RELCH: variants seen among roughly 807,000 people sequenced by gnomAD.
RELCH encodes the protein RAB11 binding and LisH domain, coiled-coil and HEAT repeat containing, also known as RAB11-binding protein RELCH.
A neutral mutation model predicts 150.3 loss-of-function variants in RELCH; 41 were observed. That is an observed-to-expected ratio of 0.27 (90% CI 0.21 to 0.35). The LOEUF (loss-of-function observed/expected upper bound fraction) is 0.35. Among genes scored for constraint, RELCH ranks in the 10% least tolerant of loss-of-function variants. The probability of loss-of-function intolerance (pLI) is 1.00; values close to 1 mark genes in which losing one functional copy is unlikely to be tolerated. For synonymous variants in RELCH, 478 were observed against 531.8 expected (o/e 0.90, Z 1.39); for missense variants, 1,092 against 1,467.8 (o/e 0.74, Z 4.18).
intron 1 of RELCH, among the ~76,000 whole-genome samples, chr18:62,189,061 G>C (rs1051319887): frequency 6.6e-6 from 1 of 152,110 alleles, no homozygotes; most frequent in Non-Finnish European, 1.5e-5. Context: ...AGCTTAGGGA[G>C]TGCATTTTCT....
intron 1 of RELCH, among the ~76,000 whole-genome samples, chr18:62,190,512 G>A (rs1370697735): frequency 2.6e-5 from 4 of 151,960 alleles, no homozygotes; most frequent in Admixed American, 2.0e-4. Flanking sequence ...AGGAGGCAGA[G>A]GTTACAGTGA....
Position 62,287,458 on chromosome 18 carries a change from T to G in RELCH, c.3361T>G (p.Ser1121Ala). 1 of 1,537,448 alleles carries G rather than the reference T, an allele frequency of 6.5e-7. No homozygotes were observed. The highest frequency in any genetic ancestry group is 2.3e-5 in the East Asian group (1 of 44,268). Residue 1121 changes from serine to alanine, a missense_variant, in exon 26 of 29, where the codon TCC becomes GCC. This residue lies in a region of RELCH where 707 missense variants were observed against 1,025.4 expected (regional missense o/e 0.69). Transcript: ENST00000644646. ...THLFEAYSALSCCFISEDLMV... is the reference protein window; with the variant it reads ...THLFEAYSALACCFISEDLMV... ...TCTTTTTGAAGCCTACAGTGCACTTTCCTGTTGTTGTATCCTTGTTTTATT... is the reference window on the plus strand; with the variant it reads ...TCTTTTTGAAGCCTACAGTGCACTTGCCTGTTGTTGTATCCTTGTTTTATT...
chr18:62,250,738 A>G (rs1367131439), intron 11 of RELCH, among the ~76,000 whole-genome samples: 2 of 152,212 alleles, frequency 1.3e-5, no homozygotes, highest in African/African-American at 2.4e-5. Flanking sequence ...ACTTAAGCAA[A>G]CAATTAGTAA....
intron 11 of RELCH, among the ~76,000 whole-genome samples, chr18:62,250,124 A>G (rs1018677957): frequency 3.3e-5 from 5 of 152,142 alleles, no homozygotes; most frequent in African/African-American, 9.7e-5. Context: ...GCCTATTTCC[A>G]ATGTTGTTAA....
intron 2 of RELCH, among the ~76,000 whole-genome samples, chr18:62,211,677 T>G (rs1359358516): frequency 6.6e-6 from 1 of 152,084 alleles, no homozygotes; most frequent in Non-Finnish European, 1.5e-5. Flanking sequence ...AGCTATTTGC[T>G]ATTTGGGAAG....
At chr18:62,205,292 G>A (rs1186667395) in intron 1 of RELCH, among the ~76,000 whole-genome samples, 2 of 152,122 alleles carry the variant, frequency 1.3e-5, no homozygotes. Context: ...AACAAAGAAT[G>A]TACCTGTAGT....
At position 62,267,488 on chromosome 18, in the gene RELCH, G is replaced by A. The variant is rs759998915; in HGVS notation, c.2680+739G>A. Among the ~76,000 whole-genome samples, 254 of 29,046 alleles carry A rather than the reference G, an allele frequency of 8.7e-3. 3 individuals are homozygous for A. The highest frequency in any genetic ancestry group is 0.06 in the East Asian group (6 of 100). 19.1% of individuals were successfully genotyped at this position (29,046 alleles called of 152,430 possible). ...ATATATATAGTCTAGGTATATATGT[G>A]TGTGTGTGTGTGTGTGTGTGTGTGT... On this transcript the variant is annotated intron_variant, in intron 19 of 28. Coordinates refer to ENST00000644646, the MANE Select transcript of RELCH (RefSeq NM_001346231.2).
rs557777630 is a variant in RELCH, at chr18:62,258,601, G to A, written c.2127G>A (p.Ala709=). The change falls in exon 15 of 29, where the codon GCG becomes GCA. Residue 709 remains alanine, a synonymous_variant. Coordinates refer to ENST00000644646, the MANE Select transcript of RELCH (RefSeq NM_001346231.2). ...THQVFLPAYA[A]WTTELGNLQS... is the part of the protein sequence containing the mutation. ...AAGTATTTTTACCAGCTTACGCTGC[G>A]TGGACTACAGAACTTGGAAATTTAC... The A allele has an allele frequency of 8.5e-5, 136 of 1,601,828 alleles. No individual in the cohort carries two copies. The highest frequency in any genetic ancestry group is 6.3e-4 in the East Asian group (28 of 44,616).
chr18:62,209,475 A>T (rs2040021650), intron 1 of RELCH, among the ~76,000 whole-genome samples: 1 of 152,178 alleles, frequency 6.6e-6, no homozygotes, highest in Admixed American at 6.5e-5. Flanking sequence ...TGGACTCTGA[A>T]TTCTATTGCA....
Position 62,287,486 on chromosome 18 carries a change from G to C in RELCH, c.3370+19G>C, listed in dbSNP as rs2044873235. On this transcript the variant is annotated intron_variant, in intron 26 of 28. Coordinates refer to ENST00000644646, the MANE Select transcript of RELCH (RefSeq NM_001346231.2). ...TGTTGTTGTATCCTTGTTTTATTAA[G>C]GTGTATCTACATTTATGTAACCAAT... is the stretch of plus-strand genomic sequence containing the variant. 1 of 1,253,874 alleles carries C rather than the reference G, an allele frequency of 8.0e-7. No individual in the cohort carries two copies. Among genetic ancestry groups the C allele is most frequent in the South Asian group, 1.2e-5 (1 of 81,186 alleles). The allele number at this position is 1,253,874 out of a possible 1,614,324, so 77.7% of individuals were successfully genotyped here. A position where few individuals can be genotyped will look rare whatever the true frequency, so the allele number is the denominator to read the frequency against.
chr18:62,303,742 ACAGT>A (rs2045766694), intron 28 of RELCH, among the ~76,000 whole-genome samples: 1 of 152,236 alleles, frequency 6.6e-6, no homozygotes, highest in Non-Finnish European at 1.5e-5. Flanking sequence ...GGTCAAAGAG[ACAGT>A]CAGTGACAGT....
In RELCH at chr18:62,264,004, G is replaced by C; in HGVS notation, c.2366G>C (p.Arg789Pro). 1 of 1,606,088 alleles carries C rather than the reference G, an allele frequency of 6.2e-7. No homozygotes were observed. Among genetic ancestry groups the C allele is most frequent in the Non-Finnish European group, 8.5e-7 (1 of 1,176,566 alleles). ...TTATGTGTAGTGACTAGGTTTCCTC[G>C]GCCTATGTCGCCTCTTCAAGATGTG... ...VPQIEVTRFP[R>P]PMSPLQDVST... The change falls in exon 17 of 29, where the codon CGG (arginine) becomes CCG (proline). Residue 789 changes from arginine to proline, a missense_variant. Around this residue, in one of 4 missense-constraint regions of RELCH, gnomAD observed 707 missense variants for 1,025.4 expected, o/e 0.69. Transcript: ENST00000644646.
rs530649812 is a variant in RELCH at position 62,278,778 on chromosome 18, A to G, written c.2968-996A>G. ...CTCAGTATTGTTCTCTTGTATTGCA[A>G]TTTAGCATTGGTTGCTAAATGAATT... On this transcript the variant is annotated intron_variant, in intron 22 of 28. Coordinates refer to ENST00000644646, the MANE Select transcript of RELCH (RefSeq NM_001346231.2). Among the ~76,000 whole-genome samples, 16 of 152,314 alleles carry G rather than the reference A, an allele frequency of 1.1e-4. No individual in the cohort carries two copies. In the East Asian group the frequency reaches 2.9e-3, roughly 28 times the overall value.
intron 12 of RELCH, 67 bp downstream of exon 12, chr18:62,252,821 C>T: frequency 1.6e-6 from 2 of 1,214,194 alleles, no homozygotes; most frequent in South Asian, 1.3e-5. Context: ...TACATAGTTT[C>T]CTTTTTAAAG....
chr18:62,197,017 G>A (rs1470098974), intron 1 of RELCH, among the ~76,000 whole-genome samples: 2 of 152,144 alleles, frequency 1.3e-5, no homozygotes, highest in African/African-American at 2.4e-5. Flanking sequence ...TGAATAAATA[G>A]TAACTTTATT....
chr18:62,221,434 A>G lies in RELCH; in HGVS notation c.795A>G (p.Glu265=). The G allele has an allele frequency of 6.3e-7, 1 of 1,596,426 alleles. No homozygotes were observed. The highest frequency in any genetic ancestry group is 8.6e-7 in the Non-Finnish European group (1 of 1,169,486). The change falls in exon 5 of 29, where the codon GAA becomes GAG. Residue 265 remains glutamate, a synonymous_variant. Coordinates refer to ENST00000644646, the MANE Select transcript of RELCH (RefSeq NM_001346231.2). ...GAGCTCTAAACTTCTTAGTCAATGA[A>G]TTTTTATTGAAGAATAACTATAAGC... The part of the protein sequence containing the change: ...EKRALNFLVN[E]FLLKNNYKLT...
rs138845962 is a variant in RELCH at position 62,251,161 on chromosome 18, G to T, written c.1734-1503G>T. On this transcript the variant is annotated intron_variant, in intron 11 of 28. Coordinates refer to ENST00000644646, the MANE Select transcript of RELCH (RefSeq NM_001346231.2). The stretch of plus-strand genomic sequence containing the variant: ...TGTTTTGTAACAAAGTACCCCAGAA[G>T]AAAGTGGTTTAAAACATCTTTTATC... 5.4e-3 allele frequency among the ~76,000 whole-genome samples: 829 copies of T among 152,298 alleles called. 28 individuals carry two copies. The highest frequency in any genetic ancestry group is 1.7e-3 in the Non-Finnish European group (116 of 68,018).
chr18:62,217,685 C>T (rs142457085), intron 2 of RELCH, among the ~76,000 whole-genome samples: 3,467 of 151,962 alleles, frequency 0.023, 42 homozygotes, highest in Middle Eastern at 0.082. Context: ...TTTTAAATTT[C>T]GGAGTCTTCA....
At chr18:62,264,970 A>G (rs548121453) in intron 18 of RELCH, 118 bp downstream of exon 18, 2 of 752,640 alleles carry the variant, frequency 2.7e-6, no homozygotes, top group East Asian at 5.6e-5. Flanking sequence ...CGCTTCTTTA[A>G]TATCCTAGAA....
Sources: allele counts gnomAD v4.1 joint callset (sites outside exome capture counted in the v4.1 genomes callset), GRCh38; gene constraint gnomAD v4.1.1; regional missense constraint gnomAD v4.1.1; transcripts MANE v1.5; gene names NCBI Gene and HGNC (gene_info 2026-07-23, HGNC 2026-07-21).